The following CTNNA3 variants were observed in gnomAD, a reference collection of about 807,000 sequenced individuals.
The protein encoded by CTNNA3 is catenin alpha-3.
In CTNNA3, 76 loss-of-function variants were observed where a neutral mutation model predicts 95.7. That is an observed-to-expected ratio of 0.79 (90% CI 0.66 to 0.96). The LOEUF is 0.96. Ranked by LOEUF, CTNNA3 falls within the 40% of genes least tolerant of loss-of-function variation. The pLI, the probability that CTNNA3 is intolerant of heterozygous loss-of-function variation, is 0.00. For missense variants in CTNNA3, 1,191 were observed against 1,089.8 expected, an observed-to-expected ratio of 1.09 and a Z score of -1.31; for synonymous variants, 431 against 374.4, an observed-to-expected ratio of 1.15 and a Z score of -1.74.
At chr10:66,507,923 C>T (rs1840508527) in intron 11 of CTNNA3, among the ~76,000 whole-genome samples, 1 of 149,640 alleles carries the variant, frequency 6.7e-6, no homozygotes, top group Non-Finnish European at 1.5e-5. Context: ...TGAGAAACCT[C>T]AATAGTATTT....
rs571634606 is a variant in CTNNA3 at position 66,031,011 on chromosome 10, C to A, written c.2159+38297G>T. Among the ~76,000 whole-genome samples, 3 of 152,112 alleles carry A rather than the reference C, an allele frequency of 2.0e-5. No individual in the cohort carries two copies. The South Asian group carries it at 6.2e-4, about 32-fold the overall frequency. On this transcript the variant is annotated intron_variant, in intron 15 of 17. Coordinates refer to ENST00000433211, the MANE Select transcript of CTNNA3 (RefSeq NM_013266.4). ...CACAATAAAATACCATCTCACATAA[C>A]TTTATTATGTGTCTCACATGACTTT...
chr10:65,981,232 C>T (rs2133302294), intron 16 of CTNNA3, among the ~76,000 whole-genome samples: 1 of 151,808 alleles, frequency 6.6e-6, no homozygotes, highest in South Asian at 2.1e-4. Flanking sequence ...AAGAACTCAA[C>T]CGTTTTTTTA....
At chr10:67,725,849 C>G (rs73271957) in intron 1 of CTNNA3, among the ~76,000 whole-genome samples, 14,866 of 147,154 alleles carry the variant, frequency 0.1, 1,133 homozygotes, top group African/African-American at 0.21. Context: ...ATTGTAAATA[C>G]GTAAGGTGTA....
At chr10:66,555,154 A>G (rs971157512) in intron 10 of CTNNA3, among the ~76,000 whole-genome samples, 1 of 152,034 alleles carries the variant, frequency 6.6e-6, no homozygotes, top group African/African-American at 2.4e-5. Context: ...GTCTGGTTTC[A>G]TTTTGCTTCA....
At chr10:66,536,334 T>C (rs1841656269) in intron 10 of CTNNA3, among the ~76,000 whole-genome samples, 1 of 151,550 alleles carries the variant, frequency 6.6e-6, no homozygotes, top group African/African-American at 2.4e-5. Flanking sequence ...ATGCAAAAAG[T>C]AGCTAGGCAT....
intron 10 of CTNNA3, among the ~76,000 whole-genome samples, chr10:66,522,928 G>A (rs1425275865): frequency 6.6e-6 from 1 of 151,984 alleles, no homozygotes; most frequent in Non-Finnish European, 1.5e-5. Context: ...CCTAAAGACT[G>A]TACCTTAAGT....
intron 5 of CTNNA3, among the ~76,000 whole-genome samples, chr10:67,233,463 C>CGAGA (rs542670195): frequency 7.1e-6 from 1 of 141,504 alleles, no homozygotes; most frequent in East Asian, 2.0e-4. Context: ...TTGAAACCAA[C>CGAGA]GAGAACAAAG....
intron 7 of CTNNA3, among the ~76,000 whole-genome samples, chr10:66,868,666 G>C (rs990298022): frequency 6.6e-6 from 1 of 151,028 alleles, no homozygotes; most frequent in Non-Finnish European, 1.5e-5. Context: ...CAGGAGAATC[G>C]CCTGAACCCA....
At chr10:67,290,921 A>C (rs1839811799) in intron 5 of CTNNA3, among the ~76,000 whole-genome samples, 1 of 152,154 alleles carries the variant, frequency 6.6e-6, no homozygotes, top group Non-Finnish European at 1.5e-5. Flanking sequence ...ATCCATGTTC[A>C]GTCTGTCACA....
At chr10:67,318,946 T>C (rs1381381252) in intron 5 of CTNNA3, among the ~76,000 whole-genome samples, 1 of 152,206 alleles carries the variant, frequency 6.6e-6, no homozygotes, top group African/African-American at 2.4e-5. Context: ...ATCTAGAAAC[T>C]TGGGTTTCAG....
intron 2 of CTNNA3, among the ~76,000 whole-genome samples, chr10:67,642,908 C>T (rs144491164): frequency 0.12 from 18,055 of 148,616 alleles, 2,038 homozygotes; most frequent in African/African-American, 0.3. Flanking sequence ...TGGAAGACAG[C>T]GTGGCGATTT....
chr10:67,141,796 T>A lies in CTNNA3; in HGVS notation c.1047+38521A>T, dbSNP rs575807148. On this transcript the variant is annotated intron_variant, in intron 7 of 17. Transcript: ENST00000433211. ...ACTATAAATATAGATAAAATTTATA[T>A]AAAACACCAAATTAACTGGAAAGCA... 2.0e-5 allele frequency among the ~76,000 whole-genome samples: 3 copies of A among 152,308 alleles called. No individual in the cohort carries two copies. The East Asian group carries it at 5.8e-4, about 29-fold the overall frequency.
chr10:66,196,805 A>T (rs998262585), intron 13 of CTNNA3, among the ~76,000 whole-genome samples: 1 of 150,958 alleles, frequency 6.6e-6, no homozygotes, highest in African/African-American at 2.4e-5. Flanking sequence ...TCACCCCAGT[A>T]GCAGCCAAGA....
At chr10:67,040,334 T>C (rs1206496990) in intron 7 of CTNNA3, among the ~76,000 whole-genome samples, 4 of 152,094 alleles carry the variant, frequency 2.6e-5, no homozygotes, top group African/African-American at 7.2e-5. Flanking sequence ...AATTTTGTGA[T>C]GGAGAGAGAA....
chr10:66,103,316 G>T (rs1042859655), intron 13 of CTNNA3, 67 bp from the exon 14 acceptor site: 5 of 1,219,698 alleles, frequency 4.1e-6, no homozygotes. Context: ...AAAACAACGC[G>T]GCAGTACCTT....
intron 3 of CTNNA3, among the ~76,000 whole-genome samples, chr10:67,557,007 T>C (rs1430129090): frequency 1.3e-5 from 2 of 152,218 alleles, no homozygotes; most frequent in Non-Finnish European, 2.9e-5. Flanking sequence ...TTCATTTTGT[T>C]ATGTACCCAG....
intron 9 of CTNNA3, among the ~76,000 whole-genome samples, chr10:66,643,054 G>A (rs1192376651): frequency 6.6e-6 from 1 of 152,116 alleles, no homozygotes; most frequent in African/African-American, 2.4e-5. Flanking sequence ...ATACAGAGAG[G>A]TCAGATGATA....
In CTNNA3 at chr10:66,926,693, G is replaced by C. The variant is rs1284925727; in HGVS notation, c.1048-151169C>G. On this transcript the variant is annotated intron_variant, in intron 7 of 17. Transcript: ENST00000433211. ...ATTATTTTAGAGATTACCTTGCTCTGCTCTAAGACTATGAATTTATTTGCT... is the reference window on the plus strand; with the variant it reads ...ATTATTTTAGAGATTACCTTGCTCTCCTCTAAGACTATGAATTTATTTGCT... The C allele has an allele frequency of 6.2e-6, 8 of 1,298,050 alleles. No homozygotes were observed. In the East Asian group the frequency reaches 1.9e-4, roughly 30 times the overall value. The allele number at this position is 1,298,050 out of a possible 1,614,324, so 80.4% of individuals were successfully genotyped here. A position where few individuals can be genotyped will look rare whatever the true frequency, so the allele number is the denominator to read the frequency against.
upstream of CTNNA3, among the ~76,000 whole-genome samples, chr10:67,700,777 A>G (rs1043593174): frequency 1.3e-5 from 2 of 152,242 alleles, no homozygotes; most frequent in Non-Finnish European, 2.9e-5. Flanking sequence ...CTGGACGGAG[A>G]ATGACTTTGA....
Sources: gnomAD v4.1 joint callset for allele counts (sites outside exome capture counted in the v4.1 genomes callset) on GRCh38, gnomAD v4.1.1 for gene constraint, MANE v1.5 for transcripts, NCBI Gene and HGNC (gene_info 2026-07-23, HGNC 2026-07-21) for gene names.